The following KCNIP4 variants were observed in gnomAD, a reference collection of about 807,000 sequenced individuals.
KCNIP4 encodes the protein Kv channel-interacting protein 4.
Under a neutral mutation model 34.0 loss-of-function variants are expected in KCNIP4, and 12 were observed. The observed-to-expected ratio is 0.35, with a 90% confidence interval of 0.23 to 0.57. The LOEUF (loss-of-function observed/expected upper bound fraction) is 0.57. Ranked by LOEUF, KCNIP4 falls within the 20% of genes least tolerant of loss-of-function variation. The pLI, the probability that KCNIP4 is intolerant of heterozygous loss-of-function variation, is 0.83. For missense variants in KCNIP4, 238 were observed against 311.7 expected (o/e 0.76, Z 1.78); for synonymous variants, 124 against 102.2 (o/e 1.21, Z -1.29).
chr4:21,032,078 C>A (rs1408391159), intron 1 of KCNIP4, among the ~76,000 whole-genome samples: 5 of 152,282 alleles, frequency 3.3e-5, no homozygotes, highest in Non-Finnish European at 5.9e-5. Context: ...CAAGACATGG[C>A]AGATGAGGAA....
At chr4:21,072,545 G>A (rs1278879979) in intron 1 of KCNIP4, among the ~76,000 whole-genome samples, 1 of 151,668 alleles carries the variant, frequency 6.6e-6, no homozygotes, top group Non-Finnish European at 1.5e-5. Context: ...CTGGATATTA[G>A]TCCTTTGTCA....
chr4:21,504,475 A>AG (rs1553893840), intron 1 of KCNIP4, among the ~76,000 whole-genome samples: 1 of 101,852 alleles, frequency 9.8e-6, no homozygotes, highest in Non-Finnish European at 2.0e-5. Flanking sequence ...CAAAAAAAAA[A>AG]AAAGAAAGAA....
intron 1 of KCNIP4, among the ~76,000 whole-genome samples, chr4:21,571,918 T>G (rs1012021619): frequency 7.9e-5 from 12 of 152,154 alleles, no homozygotes; most frequent in Non-Finnish European, 4.4e-5. Context: ...ATCAAACTCA[T>G]AGGATATGTA....
intron 1 of KCNIP4, among the ~76,000 whole-genome samples, chr4:21,653,279 T>A (rs547509540): frequency 6.6e-6 from 1 of 152,308 alleles, no homozygotes; most frequent in East Asian, 1.9e-4. Context: ...ACAGCTTACT[T>A]CTACAGCTTA....
At chr4:20,863,647 G>A (rs570042277) in intron 2 of KCNIP4, among the ~76,000 whole-genome samples, 11 of 152,070 alleles carry the variant, frequency 7.2e-5, no homozygotes, top group African/African-American at 2.4e-4. Flanking sequence ...TTCAGCCTAC[G>A]CCCAGGAATG....
At chr4:21,378,016 A>G (rs535672405) in intron 1 of KCNIP4, among the ~76,000 whole-genome samples, 1 of 138,362 alleles carries the variant, frequency 7.2e-6, no homozygotes, top group East Asian at 2.2e-4. Context: ...AACCAATTTC[A>G]TCAATATCCT....
Position 20,730,132 on chromosome 4 carries a change from G to A in KCNIP4, c.706-3C>T. 3.7e-6 allele frequency: 6 copies of A among 1,605,050 alleles called. 1 individual carries two copies. The Middle Eastern group carries it at 1.0e-3, about 267-fold the overall frequency. The stretch of plus-strand genomic sequence containing the variant: ...ATGGAGCGCATTATGTTTTCATCCT[G>A]TAAGGGAGAAACACAGAGCGATTAA... On this transcript the variant is annotated splice_polypyrimidine_tract_variant and splice_region_variant and intron_variant, in intron 8 of 8. Transcript: ENST00000382152.
At chr4:21,876,065 T>C (rs1173210291) in intron 1 of KCNIP4, among the ~76,000 whole-genome samples, 1 of 152,118 alleles carries the variant, frequency 6.6e-6, no homozygotes, top group Non-Finnish European at 1.5e-5. Flanking sequence ...AAACAATGCT[T>C]TCCAATGAAT....
intron 1 of KCNIP4, among the ~76,000 whole-genome samples, chr4:21,414,622 A>G (rs115963760): frequency 0.021 from 3,143 of 152,298 alleles, 51 homozygotes; most frequent in Middle Eastern, 0.048. Context: ...TTAAAGACAT[A>G]TTAGCACTCC....
chr4:21,743,748 T>G (rs1409469105), intron 1 of KCNIP4, among the ~76,000 whole-genome samples: 2 of 150,786 alleles, frequency 1.3e-5, no homozygotes, highest in Non-Finnish European at 3.0e-5. Flanking sequence ...CAATATCAAA[T>G]TTGTAACTCA....
chr4:21,911,838 T>C (rs1396098784), intron 1 of KCNIP4, among the ~76,000 whole-genome samples: 2 of 152,092 alleles, frequency 1.3e-5, no homozygotes, highest in African/African-American at 4.8e-5. Context: ...TCATCATCAT[T>C]GCCTGTTCGG....
chr4:21,849,249 A>G (rs1724218669), intron 1 of KCNIP4: 1 of 152,156 alleles, frequency 6.6e-6, no homozygotes, highest in Non-Finnish European at 1.5e-5. Context: ...CTGTGCAAAA[A>G]GAATAGGAGA....
At chr4:21,252,896 A>G (rs1009027344) in intron 1 of KCNIP4, among the ~76,000 whole-genome samples, 1 of 152,082 alleles carries the variant, frequency 6.6e-6, no homozygotes, top group Non-Finnish European at 1.5e-5. Context: ...CACTGAGCAC[A>G]TCACACTTAA....
At chr4:21,834,885 T>C (rs1173993545) in intron 1 of KCNIP4, among the ~76,000 whole-genome samples, 1 of 152,212 alleles carries the variant, frequency 6.6e-6, no homozygotes, top group Non-Finnish European at 1.5e-5. Flanking sequence ...GTTTACATGC[T>C]GGATTACATT....
At chr4:21,676,365 T>C (rs1165731752) in intron 1 of KCNIP4, among the ~76,000 whole-genome samples, 1 of 152,202 alleles carries the variant, frequency 6.6e-6, no homozygotes, top group Non-Finnish European at 1.5e-5. Context: ...CTGGATAAGT[T>C]GTCCTCAAGT....
chr4:20,810,242 G>A (rs1472452763), intron 3 of KCNIP4, among the ~76,000 whole-genome samples: 1 of 152,188 alleles, frequency 6.6e-6, no homozygotes, highest in Non-Finnish European at 1.5e-5. Flanking sequence ...GAGAAAATGA[G>A]AGGCTTGGAC....
At chr4:20,999,442 T>A (rs1011020186) in intron 1 of KCNIP4, among the ~76,000 whole-genome samples, 7 of 127,012 alleles carry the variant, frequency 5.5e-5, no homozygotes, top group African/African-American at 1.5e-4. Flanking sequence ...TTTTTTGTTT[T>A]TTTTTTTTTT....
chr4:21,239,291 A>T (rs1404744585), intron 1 of KCNIP4, among the ~76,000 whole-genome samples: 1 of 146,062 alleles, frequency 6.8e-6, no homozygotes. Flanking sequence ...AACCTAGGCA[A>T]TACCATTCAG....
chr4:21,152,880 C>T (rs905749342), intron 1 of KCNIP4, among the ~76,000 whole-genome samples: 6 of 152,140 alleles, frequency 3.9e-5, no homozygotes, highest in Non-Finnish European at 7.3e-5. Flanking sequence ...CGAACAGTTT[C>T]CTCTCGAAAC....
Sources: gnomAD v4.1 joint callset for allele counts (sites outside exome capture counted in the v4.1 genomes callset) on GRCh38, gnomAD v4.1.1 for gene constraint, MANE v1.5 for transcripts, NCBI Gene and HGNC (gene_info 2026-07-23, HGNC 2026-07-21) for gene names.